REDIC1: variants seen among roughly 807,000 people sequenced by gnomAD.
REDIC1 encodes the protein regulator of DNA class I crossover intermediates 1.
chr12:39,633,428 C>T, the REDIC1 span, among the ~76,000 whole-genome samples: 62 of 152,250 alleles, frequency 4.1e-4, no homozygotes, highest in Non-Finnish European at 7.5e-4. Context: ...ACAATGCCTT[C>T]TTCTGGAACA....
chr12:39,781,651 T>C, the REDIC1 span, among the ~76,000 whole-genome samples: 2 of 152,216 alleles, frequency 1.3e-5, no homozygotes, highest in South Asian at 2.1e-4. Context: ...TGAATTTCCA[T>C]ATTATAGTCC....
the REDIC1 span, among the ~76,000 whole-genome samples, chr12:39,714,593 C>T: frequency 1.3e-5 from 2 of 151,772 alleles, no homozygotes; most frequent in African/African-American, 4.8e-5. Context: ...AGTGGGACTG[C>T]TGGACCAAAT....
the REDIC1 span, among the ~76,000 whole-genome samples, chr12:39,796,422 TAA>T: frequency 0.084 from 9,902 of 117,658 alleles, 530 homozygotes; most frequent in African/African-American, 0.17. Context: ...GGACCCATCT[TAA>T]AAAAAAAAAA....
At chr12:39,762,096 C>T in the REDIC1 span, among the ~76,000 whole-genome samples, 1 of 151,966 alleles carries the variant, frequency 6.6e-6, no homozygotes, top group African/African-American at 2.4e-5. Flanking sequence ...CTGAGGAATC[C>T]AAAGCACGCA....
chr12:39,854,642 C>G, the REDIC1 span, among the ~76,000 whole-genome samples: 1 of 152,298 alleles, frequency 6.6e-6, no homozygotes, highest in Non-Finnish European at 1.5e-5. Flanking sequence ...ACACAGAAAA[C>G]TCTTTGTAAA....
At chr12:39,668,659 C>T in the REDIC1 span, among the ~76,000 whole-genome samples, 256 of 152,256 alleles carry the variant, frequency 1.7e-3, 2 homozygotes, top group African/African-American at 5.4e-3. Context: ...TTTTCCAACT[C>T]GGTTCCGTTC....
At chr12:39,726,617 T>C in the REDIC1 span, among the ~76,000 whole-genome samples, 1 of 152,242 alleles carries the variant, frequency 6.6e-6, no homozygotes, top group East Asian at 1.9e-4. Context: ...ACTGCTGCAA[T>C]AAACACACAT....
At chr12:39,890,520 T>C in the REDIC1 span, among the ~76,000 whole-genome samples, 1 of 152,092 alleles carries the variant, frequency 6.6e-6, no homozygotes, top group Admixed American at 6.6e-5. Flanking sequence ...AGCATGAGAG[T>C]CTTAATAGTA....
At chr12:39,702,641 T>C in the REDIC1 span, among the ~76,000 whole-genome samples, 1 of 152,066 alleles carries the variant, frequency 6.6e-6, no homozygotes, top group Admixed American at 6.5e-5. Context: ...AAAAAGAGAA[T>C]TTTAGACCAA....
At chr12:39,785,994 C>G in the REDIC1 span, among the ~76,000 whole-genome samples, 1 of 152,174 alleles carries the variant, frequency 6.6e-6, no homozygotes, top group East Asian at 1.9e-4. Flanking sequence ...AGGGACTTGC[C>G]TCGTCTCAGA....
chr12:39,842,857 TA>T, the REDIC1 span, among the ~76,000 whole-genome samples: 6 of 152,036 alleles, frequency 3.9e-5, no homozygotes, highest in Admixed American at 3.9e-4. Flanking sequence ...TATATCAATG[TA>T]ATTATACAAT....
At chr12:39,865,142 A>T in the REDIC1 span, among the ~76,000 whole-genome samples, 1 of 152,206 alleles carries the variant, frequency 6.6e-6, no homozygotes, top group African/African-American at 2.4e-5. Flanking sequence ...CAAACAGTAA[A>T]TTGGTAATGA....
the REDIC1 span, among the ~76,000 whole-genome samples, chr12:39,771,394 G>T: frequency 6.6e-6 from 1 of 152,196 alleles, no homozygotes; most frequent in African/African-American, 2.4e-5. Context: ...AAGTCGCCAT[G>T]CTGTAGGATG....
At chr12:39,685,456 A>T in the REDIC1 span, among the ~76,000 whole-genome samples, 1 of 152,166 alleles carries the variant, frequency 6.6e-6, no homozygotes, top group Non-Finnish European at 1.5e-5. Flanking sequence ...ACCAGATCAC[A>T]GGAGAACAAA....
At chr12:39,824,403 G>C in the REDIC1 span, among the ~76,000 whole-genome samples, 1 of 152,186 alleles carries the variant, frequency 6.6e-6, no homozygotes, top group Non-Finnish European at 1.5e-5. Context: ...GATTCAATCA[G>C]GGGTCAGATG....
the REDIC1 span, among the ~76,000 whole-genome samples, chr12:39,687,832 G>T: frequency 6.6e-6 from 1 of 152,126 alleles, no homozygotes; most frequent in Non-Finnish European, 1.5e-5. Flanking sequence ...TTACAACAGT[G>T]CTAGGAAGTT....
the REDIC1 span, chr12:39,756,593 A>G: frequency 2.0e-5 from 3 of 151,876 alleles, no homozygotes; most frequent in Admixed American, 6.6e-5. Context: ...AGATAAACAT[A>G]TGGATGGTAT....
the REDIC1 span, among the ~76,000 whole-genome samples, chr12:39,896,046 G>A: frequency 3.5e-5 from 5 of 143,064 alleles, no homozygotes; most frequent in East Asian, 2.1e-4. Context: ...GTTTATATAC[G>A]CATGTATATA....
the REDIC1 span, among the ~76,000 whole-genome samples, chr12:39,899,449 T>C: frequency 1.3e-5 from 2 of 152,184 alleles, no homozygotes; most frequent in Non-Finnish European, 2.9e-5. Context: ...ATTCATTAAC[T>C]TTTTAAAGGG....
Sources: allele counts gnomAD v4.1 joint callset (sites outside exome capture counted in the v4.1 genomes callset), GRCh38; gene constraint gnomAD v4.1.1; transcripts MANE v1.5; gene names NCBI Gene and HGNC (gene_info 2026-07-23, HGNC 2026-07-21).